Variants in FEM1C observed in about 807,000 individuals in gnomAD.
FEM1C encodes protein fem-1 homolog C.
FEM1C carries 15 observed loss-of-function variants against 37.6 expected under a neutral mutation model. The observed-to-expected ratio is 0.40, with a 90% confidence interval of 0.27 to 0.61. The LOEUF (loss-of-function observed/expected upper bound fraction) is 0.61. FEM1C is among the 20% of genes least tolerant of loss of function. FEM1C has a pLI of 0.42. For synonymous variants in FEM1C, 287 were observed against 272.8 expected, an observed-to-expected ratio of 1.05 and a Z score of -0.51; for missense variants, 532 against 749.7, an observed-to-expected ratio of 0.71 and a Z score of 3.39.
chr5:115,537,027 T>G (rs946632156), intron 2 of FEM1C, among the ~76,000 whole-genome samples: 1 of 151,974 alleles, frequency 6.6e-6, no homozygotes, highest in African/African-American at 2.4e-5. Flanking sequence ...ACTTCAACAT[T>G]ATAATTCCCT....
At chr5:115,543,758 C>G in intron 1 of FEM1C, 75 bp from the exon 2 acceptor site, 1 of 1,256,154 alleles carries the variant, frequency 8.0e-7, no homozygotes, top group Non-Finnish European at 1.0e-6. Flanking sequence ...ATTTCCACTT[C>G]TGTGGGAAGA....
Position 115,524,858 on chromosome 5 carries a change from G to A in FEM1C, c.1304C>T (p.Pro435Leu). 6.2e-7 allele frequency: 1 copy of A among 1,613,362 alleles called. No individual in the cohort carries two copies. Among genetic ancestry groups the A allele is most frequent in the Non-Finnish European group, 8.5e-7 (1 of 1,179,688 alleles). Residue 435 changes from proline (P) to leucine (L), a missense_variant, in exon 3 of 3, where the codon CCA becomes CTA. Transcript: ENST00000274457. ...AGAAAGGGCCTTATTTAACTGTAAT[G>A]GGTCAGCTGGACACTGAGTTTGTTT... ...AIKQTQCPAD[P>L]LQLNKALSII...
chr5:115,537,548 A>G (rs1435470375), intron 2 of FEM1C, among the ~76,000 whole-genome samples: 1 of 152,038 alleles, frequency 6.6e-6, no homozygotes, highest in African/African-American at 2.4e-5. Flanking sequence ...TCCAACTAAG[A>G]TACTAATTCT....
At chr5:115,527,645 T>C (rs1332152371) in intron 2 of FEM1C, among the ~76,000 whole-genome samples, 1 of 152,128 alleles carries the variant, frequency 6.6e-6, no homozygotes, top group African/African-American at 2.4e-5. Flanking sequence ...GAAATCTGAA[T>C]ATAAAGAAAT....
chr5:115,533,089 T>C (rs1754051536), intron 2 of FEM1C, among the ~76,000 whole-genome samples: 2 of 151,968 alleles, frequency 1.3e-5, no homozygotes, highest in African/African-American at 4.8e-5. Context: ...TAAAATAGAA[T>C]CACAAATGTG....
chr5:115,535,258 G>A (rs1294284553), intron 2 of FEM1C, among the ~76,000 whole-genome samples: 2 of 141,840 alleles, frequency 1.4e-5, no homozygotes, highest in African/African-American at 5.3e-5. Context: ...AATCCAAATT[G>A]GTATAAACAC....
At chr5:115,544,494 C>G (rs926864907) in intron 1 of FEM1C, 29 bp downstream of exon 1, 3 of 153,814 alleles carry the variant, frequency 2.0e-5, no homozygotes, top group Admixed American at 1.3e-4. Context: ...CCGGCCCGAG[C>G]CCTGGCAGGC....
chr5:115,534,356 A>G (rs1754077581), intron 2 of FEM1C, among the ~76,000 whole-genome samples: 1 of 151,954 alleles, frequency 6.6e-6, no homozygotes, highest in African/African-American at 2.4e-5. Context: ...TTAGGTGCCT[A>G]GGAATAGAAT....
intron 1 of FEM1C, chr5:115,544,054 C>A (rs905170062): frequency 9.1e-6 from 9 of 985,296 alleles, no homozygotes; most frequent in Non-Finnish European, 1.1e-5. Flanking sequence ...CTCTTTCTTG[C>A]AACTGCAGGA....
In FEM1C at chr5:115,523,389, T is replaced by A. The variant is rs985941181; in HGVS notation, c.*919A>T. On this transcript the variant is annotated 3_prime_UTR_variant, in exon 3 of 3. Coordinates refer to ENST00000274457, the MANE Select transcript of FEM1C (RefSeq NM_020177.3). ...AAATTCTCTACACCTAATCACACCA[T>A]CAGCACAAGCAGGACAATGCTGGAG... The A allele has an allele frequency of 6.6e-6, 1 of 152,472 alleles. No individual in the cohort carries two copies. The allele number at this position is 152,472 out of a possible 1,614,324, so 9.4% of individuals were successfully genotyped here.
intron 2 of FEM1C, among the ~76,000 whole-genome samples, chr5:115,531,209 A>G (rs1754008164): frequency 6.6e-6 from 1 of 152,108 alleles, no homozygotes. Flanking sequence ...TCAATGAATA[A>G]ATTATATCTA....
At position 115,525,076 on chromosome 5, in the gene FEM1C, C is replaced by T; in HGVS notation, c.1086G>A (p.Lys362=). The part of the protein sequence containing the change: ...GNFKRCINLW[K]YALDMQQSNL... ...TGCTCTGCTGCATATCCAAAGCATA[C>T]TTCCATAGGTTGATGCATCGTTTGA... Residue 362 remains lysine (K), a synonymous_variant, in exon 3 of 3, where the codon AAG becomes AAA. Transcript: ENST00000274457. 1 of 1,613,766 alleles carries T rather than the reference C, an allele frequency of 6.2e-7. No individual in the cohort carries two copies. The highest frequency in any genetic ancestry group is 8.5e-7 in the Non-Finnish European group (1 of 1,179,832).
Position 115,530,202 on chromosome 5 carries a change from G to GA in FEM1C, c.545-4586dup, listed in dbSNP as rs573042391. Among the ~76,000 whole-genome samples the GA allele has an allele frequency of 2.8e-3, 429 of 151,856 alleles. 1 individual carries two copies. Among genetic ancestry groups the GA allele is most frequent in the South Asian group, 0.011 (52 of 4,820 alleles). ...ATGATCTTTAGAAGTGAAAGTTTGG[G>GA]AAAAAAATGCCCTTTGCAAAAACTA... On this transcript the variant is annotated intron_variant, in intron 2 of 2. Transcript: ENST00000274457.
In FEM1C at chr5:115,543,607, C is replaced by T; in HGVS notation, c.-114G>A. On this transcript the variant is annotated 5_prime_UTR_variant, in exon 2 of 3. It adds an upstream start codon to the 5' untranslated region. Transcript: ENST00000274457. Reference sequence around the variant, plus strand: ...CCAAAGTCCAATGTTAATTGCTGCACCCCAGAACGGATACACAACCACGAA... The same window carrying T: ...CCAAAGTCCAATGTTAATTGCTGCATCCCAGAACGGATACACAACCACGAA... 1 of 1,467,022 alleles carries T rather than the reference C, an allele frequency of 6.8e-7. No individual in the cohort carries two copies. The highest frequency in any genetic ancestry group is 9.0e-7 in the Non-Finnish European group (1 of 1,117,142). 90.9% of individuals were successfully genotyped at this position (1,467,022 alleles called of 1,614,324 possible).
intron 2 of FEM1C, among the ~76,000 whole-genome samples, chr5:115,538,449 C>G (rs1311728341): frequency 6.6e-6 from 1 of 152,010 alleles, no homozygotes. Flanking sequence ...AATCTTTCCT[C>G]TCTTAAATCC....
rs1197443132 is a variant in FEM1C at position 115,525,733 on chromosome 5, G to A, written c.545-116C>T. On this transcript the variant is annotated intron_variant, in intron 2 of 2. Transcript: ENST00000274457. ...GCAGGAAGCTTTAAGTTCCTAAGTA[G>A]GACATACTTGGTTTACAAACGAGAA... is the stretch of plus-strand genomic sequence containing the variant. 3.9e-6 allele frequency: 3 copies of A among 765,438 alleles called. No homozygotes were observed. The African/African-American group carries it at 5.3e-5, about 14-fold the overall frequency. The allele number at this position is 765,438 out of a possible 1,614,324, so 47.4% of individuals were successfully genotyped here. A position where few individuals can be genotyped will look rare whatever the true frequency, so the allele number is the denominator to read the frequency against.
rs1250109253 is a variant in FEM1C at position 115,521,818 on chromosome 5, A to G, written c.*2490T>C. The G allele has an allele frequency of 2.0e-5, 3 of 151,874 alleles. No homozygotes were observed. The highest frequency in any genetic ancestry group is 7.2e-5 in the African/African-American group (3 of 41,426). The allele number at this position is 151,874 out of a possible 1,614,324, so 9.4% of individuals were successfully genotyped here. A position where few individuals can be genotyped will look rare whatever the true frequency, so the allele number is the denominator to read the frequency against. ...AATACTTTCTGACAAAGGCTTTATC[A>G]GTGTCACATTTATGAAACAATTTTC... On this transcript the variant is annotated 3_prime_UTR_variant, in exon 3 of 3. Coordinates refer to ENST00000274457, the MANE Select transcript of FEM1C (RefSeq NM_020177.3).
Position 115,524,209 on chromosome 5 carries a change from A to G in FEM1C, c.*99T>C, listed in dbSNP as rs1284325633. 6 of 936,110 alleles carry G rather than the reference A, an allele frequency of 6.4e-6. No homozygotes were observed. Among genetic ancestry groups the G allele is most frequent in the Non-Finnish European group, 9.9e-6 (6 of 608,306 alleles). The allele number at this position is 936,110 out of a possible 1,614,324, so 58.0% of individuals were successfully genotyped here. On this transcript the variant is annotated 3_prime_UTR_variant, in exon 3 of 3. Transcript: ENST00000274457. ...AGCCAATGAGAGCACAATGATATCAATCAAGCTAAATGAATGCTGGTGTTA... is the reference window on the plus strand; with the variant it reads ...AGCCAATGAGAGCACAATGATATCAGTCAAGCTAAATGAATGCTGGTGTTA...
Position 115,523,175 on chromosome 5 carries a change from A to G in FEM1C, c.*1133T>C, listed in dbSNP as rs1243468807. 6.6e-6 allele frequency: 1 copy of G among 152,468 alleles called. No homozygotes were observed. The highest frequency in any genetic ancestry group is 1.5e-5 in the Non-Finnish European group (1 of 67,958). 9.4% of individuals were successfully genotyped at this position (152,468 alleles called of 1,614,324 possible). ...GAAAGAACACTGTTACTGACCTTTG[A>G]TATTATGGCAGTAAATTGCATACTA... On this transcript the variant is annotated 3_prime_UTR_variant, in exon 3 of 3. Transcript: ENST00000274457.
Sources: allele counts gnomAD v4.1 joint callset (sites outside exome capture counted in the v4.1 genomes callset), GRCh38; gene constraint gnomAD v4.1.1; transcripts MANE v1.5; gene names NCBI Gene and HGNC (gene_info 2026-07-23, HGNC 2026-07-21).